The following FRMD6 variants were observed in gnomAD, a reference collection of about 807,000 sequenced individuals.
FRMD6 encodes FERM domain containing 6.
A neutral mutation model predicts 73.2 loss-of-function variants in FRMD6; 37 were observed. The observed-to-expected ratio is 0.51, with a 90% CI of 0.39 to 0.66. The LOEUF (loss-of-function observed/expected upper bound fraction) is 0.66. Ranked by LOEUF, FRMD6 falls within the 30% of genes least tolerant of loss-of-function variation. The pLI is 0.00. For missense variants in FRMD6, 714 were observed against 780.5 expected (o/e 0.91, Z 1.02); for synonymous variants, 273 against 282.2 (o/e 0.97, Z 0.33).
intron 1 of FRMD6, among the ~76,000 whole-genome samples, chr14:51,526,585 C>A (rs552927074): frequency 1.3e-5 from 2 of 152,186 alleles, no homozygotes; most frequent in Non-Finnish European, 2.9e-5. Context: ...TAATAATGCT[C>A]TTTTCACCTT....
upstream of FRMD6, among the ~76,000 whole-genome samples, chr14:51,484,686 T>A (rs1301156037): frequency 2.0e-5 from 3 of 152,222 alleles, no homozygotes; most frequent in African/African-American, 4.8e-5. Context: ...AGGACTGAAT[T>A]GTAAATCAAA....
At chr14:51,687,060 C>T (rs1042820142) in intron 1 of FRMD6, among the ~76,000 whole-genome samples, 10 of 152,104 alleles carry the variant, frequency 6.6e-5, no homozygotes, top group Admixed American at 4.6e-4. Flanking sequence ...ATTACATTTG[C>T]TTCAATAATC....
the FRMD6 span, among the ~76,000 whole-genome samples, chr14:51,482,427 C>A: frequency 6.6e-6 from 1 of 152,212 alleles, no homozygotes; most frequent in African/African-American, 2.4e-5. Flanking sequence ...CAAAGCTCAA[C>A]CTGCAGTGGA....
At chr14:51,444,493 C>A in the FRMD6 span, among the ~76,000 whole-genome samples, 19 of 152,278 alleles carry the variant, frequency 1.2e-4, no homozygotes, top group African/African-American at 4.6e-4. Context: ...CAGTCTGTAA[C>A]GAATCCATTG....
At chr14:51,485,103 CA>C (rs1201676254), upstream of FRMD6, among the ~76,000 whole-genome samples, 1 of 152,202 alleles carries the variant, frequency 6.6e-6, no homozygotes. Context: ...TAACCAAGCT[CA>C]AAAGTGTCTG....
At chr14:51,466,566 G>A in the FRMD6 span, among the ~76,000 whole-genome samples, 1 of 152,104 alleles carries the variant, frequency 6.6e-6, no homozygotes, top group South Asian at 2.1e-4. Context: ...GGTTATATAT[G>A]TATAGGTGTA....
At chr14:51,654,380 G>A (rs1392387931) in intron 1 of FRMD6, among the ~76,000 whole-genome samples, 1 of 151,476 alleles carries the variant, frequency 6.6e-6, no homozygotes, top group Non-Finnish European at 1.5e-5. Context: ...TTGGCTTTCT[G>A]AACTTATGAT....
the FRMD6 span, among the ~76,000 whole-genome samples, chr14:51,446,855 T>C: frequency 1.3e-5 from 2 of 151,988 alleles, no homozygotes; most frequent in South Asian, 4.2e-4. Context: ...AAGACAGACA[T>C]AGGAAGAAAT....
chr14:51,453,330 T>C, the FRMD6 span, among the ~76,000 whole-genome samples: 1 of 151,226 alleles, frequency 6.6e-6, no homozygotes, highest in African/African-American at 2.4e-5. Flanking sequence ...GGAGGACAGG[T>C]TAGGGTGAGG....
At chr14:51,479,577 A>G in the FRMD6 span, among the ~76,000 whole-genome samples, 3 of 152,256 alleles carry the variant, frequency 2.0e-5, no homozygotes, top group African/African-American at 4.8e-5. Context: ...CATCTGCAAA[A>G]CAGGAATAAT....
At chr14:51,439,247 T>C in the FRMD6 span, among the ~76,000 whole-genome samples, 1 of 152,192 alleles carries the variant, frequency 6.6e-6, no homozygotes, top group Admixed American at 6.5e-5. Context: ...TAGGTCTCTG[T>C]TTAGTAAATA....
At chr14:51,666,379 T>C (rs971103760) in intron 1 of FRMD6, among the ~76,000 whole-genome samples, 2 of 152,268 alleles carry the variant, frequency 1.3e-5, no homozygotes, top group South Asian at 2.1e-4. Flanking sequence ...GTAAATAGTA[T>C]GTCTGTGATA....
chr14:51,477,336 T>C, the FRMD6 span, among the ~76,000 whole-genome samples: 8,885 of 152,190 alleles, frequency 0.058, 543 homozygotes, highest in Admixed American at 0.18. Context: ...TCACCCAACG[T>C]GATGTTTACG....
chr14:51,645,300 G>A (rs748402707), intron 2 of FRMD6, among the ~76,000 whole-genome samples: 2 of 152,178 alleles, frequency 1.3e-5, no homozygotes, highest in Admixed American at 6.5e-5. Flanking sequence ...AGTTAGTATA[G>A]CTAGCACATC....
At position 51,576,960 on chromosome 14, in the gene FRMD6, C is replaced by T. The variant is rs17092904; in HGVS notation, c.-147+6550C>T. On this transcript the variant is annotated intron_variant, in intron 2 of 14. Coordinates refer to the FRMD6 transcript ENST00000356218. ...AAATAACAGAGGGGAGAGGATTACA[C>T]ATTTTAAAGCACTATGCAAATGTAA... 8.4e-3 allele frequency among the ~76,000 whole-genome samples: 1,283 copies of T among 152,298 alleles called. 39 individuals are homozygous for T. The highest frequency in any genetic ancestry group is 0.061 in the East Asian group (317 of 5,176).
chr14:51,412,922 T>G, the FRMD6 span, among the ~76,000 whole-genome samples: 1 of 151,448 alleles, frequency 6.6e-6, no homozygotes, highest in East Asian at 1.9e-4. Flanking sequence ...AGATATGCAT[T>G]TGTGTCTGGT....
chr14:51,399,248 A>C, the FRMD6 span, among the ~76,000 whole-genome samples: 1 of 152,134 alleles, frequency 6.6e-6, no homozygotes, highest in Non-Finnish European at 1.5e-5. Flanking sequence ...CTCCCCGTCT[A>C]TCTTTATGCA....
At chr14:51,453,793 CAGTT>C in the FRMD6 span, among the ~76,000 whole-genome samples, 2 of 152,160 alleles carry the variant, frequency 1.3e-5, no homozygotes, top group Admixed American at 1.3e-4. Context: ...CTTTTAGACA[CAGTT>C]AGGCTTGTTT....
At chr14:51,558,749 T>C (rs1475233590) in intron 1 of FRMD6, among the ~76,000 whole-genome samples, 1 of 152,198 alleles carries the variant, frequency 6.6e-6, no homozygotes, top group East Asian at 1.9e-4. Flanking sequence ...TTAGGTGTTT[T>C]AACTATTTGA....
Sources: allele counts gnomAD v4.1 joint callset (sites outside exome capture counted in the v4.1 genomes callset), GRCh38; gene constraint gnomAD v4.1.1; transcripts MANE v1.5; gene names NCBI Gene and HGNC (gene_info 2026-07-23, HGNC 2026-07-21).